Variants in GRM7 observed in about 807,000 individuals in gnomAD.
The protein encoded by GRM7 is glutamate metabotropic receptor 7.
A neutral mutation model predicts 84.5 loss-of-function variants in GRM7; 35 were observed. The ratio of observed to expected loss-of-function variants is 0.41; its 90% CI spans 0.32 to 0.55. The LOEUF (loss-of-function observed/expected upper bound fraction) is 0.55, where lower values mean the gene tolerates loss of function less well. Ranked by LOEUF, GRM7 falls within the 20% of genes least tolerant of loss-of-function variation. GRM7 has a pLI of 0.19. For missense variants in GRM7, 1,003 were observed against 1,194.6 expected (o/e 0.84, Z 2.36); for synonymous variants, 487 against 455.1 (o/e 1.07, Z -0.89).
chr3:7,179,016 G>T (rs1346868146), intron 2 of GRM7, among the ~76,000 whole-genome samples: 1 of 152,184 alleles, frequency 6.6e-6, no homozygotes, highest in Non-Finnish European at 1.5e-5. Context: ...TGAGGCAGAA[G>T]AATTGCTTGA....
At chr3:6,968,111 A>G (rs537446190) in intron 1 of GRM7, among the ~76,000 whole-genome samples, 1 of 152,346 alleles carries the variant, frequency 6.6e-6, no homozygotes, top group African/African-American at 2.4e-5. Flanking sequence ...GGAGGCCAGA[A>G]GTTCAAAATC....
intron 7 of GRM7, among the ~76,000 whole-genome samples, chr3:7,505,320 G>T (rs1301965308): frequency 6.6e-6 from 1 of 152,202 alleles, no homozygotes; most frequent in Non-Finnish European, 1.5e-5. Context: ...GTCACAGGTT[G>T]GTGTTACACA....
intron 5 of GRM7, among the ~76,000 whole-genome samples, chr3:7,430,357 G>A (rs1696777250): frequency 6.6e-6 from 1 of 152,050 alleles, no homozygotes; most frequent in African/African-American, 2.4e-5. Context: ...TCATACAATG[G>A]GCCAGTAGGC....
chr3:7,429,066 A>G (rs576777737), intron 5 of GRM7, among the ~76,000 whole-genome samples: 3 of 152,322 alleles, frequency 2.0e-5, no homozygotes, highest in South Asian at 2.1e-4. Context: ...CTTGGAAACT[A>G]AGTTGCCTTA....
intron 8 of GRM7, among the ~76,000 whole-genome samples, chr3:7,672,753 C>T (rs575416429): frequency 1.1e-4 from 16 of 152,124 alleles, no homozygotes; most frequent in African/African-American, 3.4e-4. Flanking sequence ...TACAGGCGCC[C>T]GCTATGGCGC....
intron 7 of GRM7, among the ~76,000 whole-genome samples, chr3:7,487,213 G>A (rs1189818737): frequency 2.6e-5 from 4 of 152,144 alleles, no homozygotes; most frequent in African/African-American, 9.7e-5. Context: ...GGCTGCTTAA[G>A]CTGAGATTCA....
chr3:7,590,831 C>T (rs1226822659), intron 8 of GRM7, among the ~76,000 whole-genome samples: 2 of 152,168 alleles, frequency 1.3e-5, no homozygotes, highest in Admixed American at 1.3e-4. Context: ...CTGTTTGTTC[C>T]TATTCCTCAG....
intron 1 of GRM7, among the ~76,000 whole-genome samples, chr3:6,912,697 G>C (rs1190748824): frequency 1.3e-5 from 2 of 151,900 alleles, no homozygotes; most frequent in East Asian, 3.9e-4. Flanking sequence ...CTGATCTCTG[G>C]ATTTAAAAAA....
chr3:6,955,226 C>T (rs928170977), intron 1 of GRM7, among the ~76,000 whole-genome samples: 1 of 152,186 alleles, frequency 6.6e-6, no homozygotes, highest in Non-Finnish European at 1.5e-5. Flanking sequence ...ATACTGCATA[C>T]AGCATCATTA....
At chr3:7,138,508 A>T (rs1300698538) in intron 1 of GRM7, among the ~76,000 whole-genome samples, 1 of 151,936 alleles carries the variant, frequency 6.6e-6, no homozygotes, top group African/African-American at 2.4e-5. Context: ...GGTTCTTTGT[A>T]CTTTATTTAA....
intron 1 of GRM7, among the ~76,000 whole-genome samples, chr3:6,977,075 G>A (rs368254313): frequency 1.3e-5 from 2 of 152,140 alleles, no homozygotes; most frequent in Non-Finnish European, 2.9e-5. Flanking sequence ...TGATTAATCT[G>A]TCCAAGCACC....
chr3:7,115,039 T>C (rs1158672863), intron 1 of GRM7, among the ~76,000 whole-genome samples: 1 of 152,134 alleles, frequency 6.6e-6, no homozygotes, highest in East Asian at 1.9e-4. Context: ...ATGAAGATGA[T>C]TTTCATGTGT....
At position 7,476,374 on chromosome 3, in the gene GRM7, C is replaced by T. The variant is rs533368775; in HGVS notation, c.1515+14652C>T. On this transcript the variant is annotated intron_variant, in intron 7 of 9. Transcript: ENST00000357716. Reference sequence around the variant, plus strand: ...CATCCTGGCTAACATGATGAAAACCCGTCTCTACTAAAAATACAAAAAATT... The same window carrying T: ...CATCCTGGCTAACATGATGAAAACCTGTCTCTACTAAAAATACAAAAAATT... Among the ~76,000 whole-genome samples the T allele has an allele frequency of 7.2e-4, 110 of 152,116 alleles. 1 individual carries two copies. The highest frequency in any genetic ancestry group is 1.1e-3 in the Non-Finnish European group (76 of 68,012).
chr3:7,505,624 G>T (rs570815923), intron 7 of GRM7, among the ~76,000 whole-genome samples: 1 of 152,338 alleles, frequency 6.6e-6, no homozygotes, highest in African/African-American at 2.4e-5. Flanking sequence ...CATGAACACT[G>T]CCAAGGCATG....
chr3:7,506,197 A>T (rs568495154), intron 7 of GRM7, among the ~76,000 whole-genome samples: 1 of 152,304 alleles, frequency 6.6e-6, no homozygotes, highest in African/African-American at 2.4e-5. Flanking sequence ...CCTAATAACA[A>T]GGTGGAGGAG....
chr3:6,866,006 G>A (rs984076661), intron 1 of GRM7, among the ~76,000 whole-genome samples: 4 of 152,170 alleles, frequency 2.6e-5, no homozygotes, highest in Admixed American at 2.6e-4. Context: ...TTTTTAAAAA[G>A]AGCAGAGGGA....
chr3:7,120,812 G>T (rs1158724150), intron 1 of GRM7, among the ~76,000 whole-genome samples: 1 of 152,072 alleles, frequency 6.6e-6, no homozygotes, highest in Non-Finnish European at 1.5e-5. Flanking sequence ...ACCATAACAA[G>T]TTTACTTTAT....
chr3:7,313,133 T>G (rs567762603), intron 4 of GRM7, among the ~76,000 whole-genome samples: 1 of 152,020 alleles, frequency 6.6e-6, no homozygotes, highest in African/African-American at 2.4e-5. Context: ...TTCACCATGT[T>G]GGTCAGGCTG....
At chr3:6,919,867 G>T (rs1047296045) in intron 1 of GRM7, among the ~76,000 whole-genome samples, 1 of 152,138 alleles carries the variant, frequency 6.6e-6, no homozygotes, top group Non-Finnish European at 1.5e-5. Flanking sequence ...ATACAGGAAT[G>T]TGCCTGTTCC....
Sources: gnomAD v4.1 joint callset for allele counts (sites outside exome capture counted in the v4.1 genomes callset) on GRCh38, gnomAD v4.1.1 for gene constraint, MANE v1.5 for transcripts, NCBI Gene and HGNC (gene_info 2026-07-23, HGNC 2026-07-21) for gene names.